CABCOCO1: variants seen among roughly 807,000 people sequenced by gnomAD.
The protein encoded by CABCOCO1 is ciliary associated calcium binding coiled-coil 1.
In CABCOCO1, 28 loss-of-function variants were observed where a neutral mutation model predicts 35.7. The observed-to-expected ratio is 0.78, with a 90% CI of 0.58 to 1.07. CABCOCO1 has a LOEUF of 1.07. CABCOCO1 is among the 50% of genes least tolerant of loss of function. The pLI is 0.00. For missense variants in CABCOCO1, 326 were observed against 309.2 expected, an observed-to-expected ratio of 1.05 and a Z score of -0.41; for synonymous variants, 95 against 100.1, an observed-to-expected ratio of 0.95 and a Z score of 0.30.
intron 5 of CABCOCO1, among the ~76,000 whole-genome samples, chr10:61,716,081 C>T (rs2132035404): frequency 6.6e-6 from 1 of 152,056 alleles, no homozygotes; most frequent in South Asian, 2.1e-4. Context: ...AAGCCAACTT[C>T]CCAGCCTAAA....
At chr10:61,669,141 T>C (rs1360334236) in intron 1 of CABCOCO1, among the ~76,000 whole-genome samples, 1 of 151,980 alleles carries the variant, frequency 6.6e-6, no homozygotes, top group Non-Finnish European at 1.5e-5. Flanking sequence ...GGTGAATACT[T>C]ATTAAAAATT....
intron 5 of CABCOCO1, among the ~76,000 whole-genome samples, chr10:61,723,273 A>C (rs1388286748): frequency 6.6e-6 from 1 of 152,254 alleles, no homozygotes; most frequent in Non-Finnish European, 1.5e-5. Context: ...GACTTGATAC[A>C]ATTTAATATT....
At chr10:61,675,475 G>A (rs184783016) in intron 2 of CABCOCO1, among the ~76,000 whole-genome samples, 1 of 151,952 alleles carries the variant, frequency 6.6e-6, no homozygotes, top group Admixed American at 6.6e-5. Context: ...AGATGAAAAA[G>A]GTCAAAGAGA....
chr10:61,747,259 A>G (rs527396548), intron 5 of CABCOCO1, among the ~76,000 whole-genome samples: 2 of 152,162 alleles, frequency 1.3e-5, no homozygotes, highest in African/African-American at 4.8e-5. Flanking sequence ...TTGGTGTGGT[A>G]ATATTACCTT....
chr10:61,709,171 G>A (rs544079604), intron 5 of CABCOCO1, among the ~76,000 whole-genome samples: 77 of 152,218 alleles, frequency 5.1e-4, no homozygotes, highest in Non-Finnish European at 7.5e-4. Context: ...GAGATACGTA[G>A]TTGATTTTAT....
chr10:61,758,617 T>A lies in CABCOCO1; in HGVS notation c.553-1442T>A, dbSNP rs139258719. ...ATAATTTCCAAATATGGCAACTTAATGACGTATTACAGTTTACTGAAAACC... is the reference window on the plus strand; with the variant it reads ...ATAATTTCCAAATATGGCAACTTAAAGACGTATTACAGTTTACTGAAAACC... On this transcript the variant is annotated intron_variant, in intron 5 of 7. Transcript: ENST00000648843. 4.6e-5 allele frequency among the ~76,000 whole-genome samples: 7 copies of A among 152,188 alleles called. No homozygotes were observed. In the East Asian group the frequency reaches 1.4e-3, roughly 29 times the overall value.
intron 5 of CABCOCO1, among the ~76,000 whole-genome samples, chr10:61,748,315 A>G (rs1311839546): frequency 3.3e-5 from 5 of 152,216 alleles, no homozygotes; most frequent in East Asian, 1.9e-4. Context: ...ACTATTTCTT[A>G]GCTACCTGCC....
At chr10:61,704,662 C>CTAAG (rs1327338371) in intron 5 of CABCOCO1, among the ~76,000 whole-genome samples, 2 of 152,168 alleles carry the variant, frequency 1.3e-5, no homozygotes, top group African/African-American at 2.4e-5. Flanking sequence ...TTGTGTATTT[C>CTAAG]TAAGTATTTG....
intron 3 of CABCOCO1, among the ~76,000 whole-genome samples, chr10:61,684,569 C>G (rs1839897255): frequency 6.6e-6 from 1 of 152,142 alleles, no homozygotes; most frequent in Non-Finnish European, 1.5e-5. Context: ...CTGATGGTTT[C>G]AGAGAGAGAC....
intron 5 of CABCOCO1, among the ~76,000 whole-genome samples, chr10:61,712,919 T>C (rs1439963200): frequency 1.3e-5 from 2 of 152,224 alleles, no homozygotes; most frequent in African/African-American, 4.8e-5. Context: ...CCTTGTAGTA[T>C]AGTTTGAAGT....
intron 6 of CABCOCO1, 76 bp downstream of exon 6, chr10:61,760,257 T>A: frequency 6.7e-7 from 1 of 1,496,168 alleles, no homozygotes. Context: ...ACGAACTAAA[T>A]GTTTTCTTCA....
At chr10:61,665,672 G>A (rs1164039121) in intron 1 of CABCOCO1, among the ~76,000 whole-genome samples, 1 of 151,894 alleles carries the variant, frequency 6.6e-6, no homozygotes, top group African/African-American at 2.4e-5. Context: ...CGGATCACGA[G>A]GTCAGGAGAT....
chr10:61,735,885 C>A (rs547747372), intron 5 of CABCOCO1, among the ~76,000 whole-genome samples: 2 of 152,212 alleles, frequency 1.3e-5, no homozygotes, highest in South Asian at 4.1e-4. Context: ...GCTTTAAAAA[C>A]AAACTACGCT....
rs921145534 is a variant in CABCOCO1 at position 61,741,681 on chromosome 10, G to A, written c.553-18378G>A. Among the ~76,000 whole-genome samples, 8 of 152,038 alleles carry A rather than the reference G, an allele frequency of 5.3e-5. No individual in the cohort carries two copies. The East Asian group carries it at 1.2e-3, about 22-fold the overall frequency. ...TGACTAATTTTTCTATTTTTTCTAC[G>A]GAAAATAATATTCTAATGTTGTTGT... On this transcript the variant is annotated intron_variant, in intron 5 of 7. Coordinates refer to ENST00000648843, the MANE Select transcript of CABCOCO1 (RefSeq NM_001366906.2).
At chr10:61,689,947 G>A (rs1052067055) in intron 4 of CABCOCO1, among the ~76,000 whole-genome samples, 2 of 152,052 alleles carry the variant, frequency 1.3e-5, no homozygotes, top group Non-Finnish European at 2.9e-5. Flanking sequence ...TTTAGGGTAA[G>A]AACTGAAGAA....
chr10:61,676,338 C>A (rs1432488469), intron 2 of CABCOCO1, among the ~76,000 whole-genome samples: 2 of 151,966 alleles, frequency 1.3e-5, no homozygotes, highest in African/African-American at 2.4e-5. Context: ...ATATAAGAAG[C>A]CTGGCAGTAA....
In CABCOCO1 at chr10:61,696,139, T is replaced by C. The variant is rs549848779; in HGVS notation, c.552+5518T>C. 6.9e-4 allele frequency among the ~76,000 whole-genome samples: 105 copies of C among 152,196 alleles called. 1 individual carries two copies. Among genetic ancestry groups the C allele is most frequent in the African/African-American group, 2.4e-3 (99 of 41,556 alleles). On this transcript the variant is annotated intron_variant, in intron 5 of 7. Transcript: ENST00000648843. ...TACACGATGACAATAGCATATAAGT[T>C]GACAGCAAGGTAAGTGGGTTAGTTT...
At chr10:61,721,298 T>A (rs1452648816) in intron 5 of CABCOCO1, among the ~76,000 whole-genome samples, 1 of 152,058 alleles carries the variant, frequency 6.6e-6, no homozygotes, top group Non-Finnish European at 1.5e-5. Context: ...TTTACCTGAA[T>A]AAAATGTGAG....
At chr10:61,706,904 GATA>G (rs1425112622) in intron 5 of CABCOCO1, among the ~76,000 whole-genome samples, 2 of 152,074 alleles carry the variant, frequency 1.3e-5, no homozygotes, top group Non-Finnish European at 2.9e-5. Flanking sequence ...TCACCCGAGG[GATA>G]ATAACAGATA....
Sources: allele counts gnomAD v4.1 joint callset (sites outside exome capture counted in the v4.1 genomes callset), GRCh38; gene constraint gnomAD v4.1.1; transcripts MANE v1.5; gene names NCBI Gene and HGNC (gene_info 2026-07-23, HGNC 2026-07-21).